Variants in RAP1GAP2 observed in about 807,000 individuals in gnomAD.
RAP1GAP2 encodes rap1 GTPase-activating protein 2.
In RAP1GAP2, 27 loss-of-function variants were observed where a neutral mutation model predicts 95.0. The ratio of observed to expected loss-of-function variants is 0.28; its 90% CI spans 0.21 to 0.39. The LOEUF is 0.39. RAP1GAP2 is among the 10% of genes least tolerant of loss of function. The probability of loss-of-function intolerance (pLI) is 1.00; values close to 1 mark genes in which losing one functional copy is unlikely to be tolerated. For synonymous variants in RAP1GAP2, 373 were observed against 380.9 expected, an observed-to-expected ratio of 0.98 and a Z score of 0.24; for missense variants, 771 against 970.0, an observed-to-expected ratio of 0.79 and a Z score of 2.72.
At chr17:2,862,224 C>G (rs966376431) in intron 2 of RAP1GAP2, among the ~76,000 whole-genome samples, 3 of 152,196 alleles carry the variant, frequency 2.0e-5, no homozygotes, top group Non-Finnish European at 4.4e-5. Flanking sequence ...GTCTTGGGTC[C>G]TGGAACTGCC....
rs537978115 is a variant in RAP1GAP2, at chr17:2,812,825, A to G, written c.80+12275A>G. Among the ~76,000 whole-genome samples, 3 of 151,980 alleles carry G rather than the reference A, an allele frequency of 2.0e-5. No homozygotes were observed. In the South Asian group the frequency reaches 6.2e-4, roughly 32 times the overall value. ...ACCAATATAATGAAACCCTGTCTCTACTAAAAATACAAAAACTAGCCAGGC... is the reference window on the plus strand; with the variant it reads ...ACCAATATAATGAAACCCTGTCTCTGCTAAAAATACAAAAACTAGCCAGGC... On this transcript the variant is annotated intron_variant, in intron 2 of 24. Transcript: ENST00000254695.
Position 2,827,811 on chromosome 17 carries a change from G to GA in RAP1GAP2, c.80+27273dup, listed in dbSNP as rs11446282. Among the ~76,000 whole-genome samples, 1,983 of 146,348 alleles carry GA rather than the reference G, an allele frequency of 0.014. 41 individuals carry two copies. Among genetic ancestry groups the GA allele is most frequent in the African/African-American group, 0.044 (1,776 of 39,982 alleles). On this transcript the variant is annotated intron_variant, in intron 2 of 24. Transcript: ENST00000254695. This position sits in a 1 kb window ranked among gnomAD's most constrained non-coding sequence, Gnocchi z 4.1. ...GTTGCTTTTTATCAGCTTCCTATTA[G>GA]AAAAAAAAAAAATCCCCTTGAAAAA... is the stretch of plus-strand genomic sequence containing the variant.
intron 2 of RAP1GAP2, among the ~76,000 whole-genome samples, chr17:2,863,588 T>A (rs2072498747): frequency 6.6e-6 from 1 of 152,188 alleles, no homozygotes; most frequent in Non-Finnish European, 1.5e-5. Context: ...CTTTCTCTAC[T>A]GTAAAGATCT....
At chr17:2,888,496 G>T (rs892887190) in intron 2 of RAP1GAP2, among the ~76,000 whole-genome samples, 5 of 151,810 alleles carry the variant, frequency 3.3e-5, no homozygotes, top group African/African-American at 1.2e-4. Flanking sequence ...TAGCTTCTAC[G>T]TTTGCATGAG....
intron 17 of RAP1GAP2, among the ~76,000 whole-genome samples, chr17:3,016,646 C>G (rs1020653811): frequency 6.6e-6 from 1 of 152,234 alleles, no homozygotes. Flanking sequence ...TGGCACAGTG[C>G]TAGGCACGTG....
At chr17:2,808,604 C>T (rs1418374298) in intron 2 of RAP1GAP2, among the ~76,000 whole-genome samples, 2 of 152,180 alleles carry the variant, frequency 1.3e-5, no homozygotes, top group African/African-American at 2.4e-5. Context: ...GTGCCTTTGG[C>T]AGGTGAGTTC....
At chr17:3,006,843 G>C (rs540251377) in intron 16 of RAP1GAP2, among the ~76,000 whole-genome samples, 8 of 152,210 alleles carry the variant, frequency 5.3e-5, no homozygotes, top group African/African-American at 1.9e-4. Context: ...GGGTAGTCGG[G>C]GGGTGGGGCA....
intron 2 of RAP1GAP2, among the ~76,000 whole-genome samples, chr17:2,891,823 T>TTTTC (rs1555562788): frequency 1.7e-5 from 2 of 114,520 alleles, no homozygotes; most frequent in African/African-American, 3.4e-5. Flanking sequence ...TCTTTTTTTT[T>TTTTC]TTTTTTTTTT....
chr17:2,997,944 A>G (rs1276188003), intron 13 of RAP1GAP2, among the ~76,000 whole-genome samples: 7 of 151,876 alleles, frequency 4.6e-5, no homozygotes, highest in Admixed American at 3.9e-4. Context: ...AAAAAGAAAA[A>G]AAAAAGATTG....
intron 1 of RAP1GAP2, among the ~76,000 whole-genome samples, chr17:2,763,059 C>T (rs903892698): frequency 3.9e-5 from 6 of 152,088 alleles, no homozygotes; most frequent in African/African-American, 1.2e-4. Flanking sequence ...TAGTGTTCAG[C>T]GGGATTTCAG....
intron 3 of RAP1GAP2, among the ~76,000 whole-genome samples, chr17:2,905,908 A>G (rs2042182443): frequency 2.0e-5 from 3 of 152,182 alleles, no homozygotes; most frequent in South Asian, 4.1e-4. Context: ...TGCTAGGCCC[A>G]GGACCTTCTC....
At chr17:2,758,415 C>T (rs1295614211) in intron 1 of RAP1GAP2, among the ~76,000 whole-genome samples, 2 of 152,022 alleles carry the variant, frequency 1.3e-5, no homozygotes, top group Non-Finnish European at 2.9e-5. Context: ...CTTTGTGATC[C>T]GCCTGCCTCA....
At chr17:2,805,353 C>T (rs2069468612) in intron 2 of RAP1GAP2, among the ~76,000 whole-genome samples, 1 of 151,970 alleles carries the variant, frequency 6.6e-6, no homozygotes, top group African/African-American at 2.4e-5. Flanking sequence ...AGACACTCCT[C>T]TTGTCCTTTA....
At position 2,767,889 on chromosome 17, in the gene RAP1GAP2, C is replaced by T. The variant is rs554544674; in HGVS notation, c.51-2440C>T. ...CTGGGATTACAGGTACCTGCCACCA[C>T]GCCCAGCTAATTTCTTTTGTATTTT... On this transcript the variant is annotated intron_variant, in intron 1 of 25. Transcript: ENST00000637138. Among the ~76,000 whole-genome samples, 6 of 152,120 alleles carry T rather than the reference C, an allele frequency of 3.9e-5. No homozygotes were observed. The South Asian group carries it at 8.3e-4, about 21-fold the overall frequency.
intron 1 of RAP1GAP2, among the ~76,000 whole-genome samples, chr17:2,767,908 G>C (rs912922993): frequency 6.6e-6 from 1 of 151,908 alleles, no homozygotes. Flanking sequence ...AATTTCTTTT[G>C]TATTTTTAGC....
At chr17:2,800,849 T>C (rs77457326) in intron 2 of RAP1GAP2, among the ~76,000 whole-genome samples, 1 of 99,038 alleles carries the variant, frequency 1.0e-5, no homozygotes, top group Non-Finnish European at 2.3e-5. Context: ...CTTTCTTTCT[T>C]TCTTTCTTTT....
At chr17:2,998,111 C>A in intron 13 of RAP1GAP2, 110 bp from the exon 14 acceptor site, 1 of 1,247,656 alleles carries the variant, frequency 8.0e-7, no homozygotes, top group Non-Finnish European at 1.1e-6. Flanking sequence ...ACTCTTCTCA[C>A]TCAGAATTCA....
chr17:2,762,268 T>C (rs1597263690), intron 1 of RAP1GAP2, among the ~76,000 whole-genome samples: 1 of 151,980 alleles, frequency 6.6e-6, no homozygotes, highest in Non-Finnish European at 1.5e-5. Context: ...ATTACAGGCG[T>C]GAGCCACTGC....
Position 2,904,569 on chromosome 17 carries a change from T to TGTGTGTGTAC in RAP1GAP2, c.81-715_81-714insGTGTGTGTAC, listed in dbSNP as rs3039132. Among the ~76,000 whole-genome samples, 3 of 150,200 alleles carry TGTGTGTGTAC rather than the reference T, an allele frequency of 2.0e-5. No individual in the cohort carries two copies. Among genetic ancestry groups the TGTGTGTGTAC allele is most frequent in the African/African-American group, 7.3e-5 (3 of 40,888 alleles). On this transcript the variant is annotated intron_variant, in intron 2 of 24. Coordinates refer to ENST00000254695, the MANE Select transcript of RAP1GAP2 (RefSeq NM_015085.5). This position sits in a 1 kb window ranked among gnomAD's most constrained non-coding sequence, Gnocchi z 4.7. ...GTGTGTGTGTGTGTGTGTGTGTGTG[T>TGTGTGTGTAC]ACGTGCAGAGGGGCTCAAGGGAGAA...
Sources: allele counts gnomAD v4.1 joint callset (sites outside exome capture counted in the v4.1 genomes callset), GRCh38; gene constraint gnomAD v4.1.1; non-coding constraint Gnocchi (gnomAD v3.1); transcripts MANE v1.5; gene names NCBI Gene and HGNC (gene_info 2026-07-23, HGNC 2026-07-21).